GARIN2: variants seen among roughly 807,000 people sequenced by gnomAD.
GARIN2 encodes the protein Golgi-associated RAB2 interactor protein 2.
chr14:67,225,017 G>A, the GARIN2 span: 5 of 992,138 alleles, frequency 5.0e-6, no homozygotes, highest in Non-Finnish European at 7.3e-6. Flanking sequence ...TTCTCCTTCT[G>A]TGCCTTTTTT....
chr14:67,215,072 A>T, the GARIN2 span, among the ~76,000 whole-genome samples: 6 of 152,208 alleles, frequency 3.9e-5, no homozygotes, highest in Admixed American at 1.3e-4. Context: ...CTGGGCTGAG[A>T]CAATGGGGTT....
chr14:67,218,182 G>T, the GARIN2 span, among the ~76,000 whole-genome samples: 1 of 152,196 alleles, frequency 6.6e-6, no homozygotes, highest in Non-Finnish European at 1.5e-5. Flanking sequence ...CCAACCTGAG[G>T]TCTGGCTTGC....
chr14:67,219,097 G>A, the GARIN2 span, among the ~76,000 whole-genome samples: 3 of 152,040 alleles, frequency 2.0e-5, no homozygotes, highest in Non-Finnish European at 4.4e-5. Flanking sequence ...GCTCACAGGT[G>A]GTGATTGGGG....
the GARIN2 span, among the ~76,000 whole-genome samples, chr14:67,216,926 A>G: frequency 6.6e-6 from 1 of 152,152 alleles, no homozygotes; most frequent in African/African-American, 2.4e-5. Flanking sequence ...CTGTTAAGTC[A>G]TTTGGTCTGT....
chr14:67,216,356 T>A, the GARIN2 span, among the ~76,000 whole-genome samples: 1 of 152,088 alleles, frequency 6.6e-6, no homozygotes, highest in Non-Finnish European at 1.5e-5. Context: ...AATGAGTTAA[T>A]CACGTTTTGT....
chr14:67,190,539 T>G, the GARIN2 span, among the ~76,000 whole-genome samples: 1 of 152,184 alleles, frequency 6.6e-6, no homozygotes, highest in Non-Finnish European at 1.5e-5. Context: ...GAAATTTTGA[T>G]TTTTCAGACT....
the GARIN2 span, chr14:67,203,362 G>A: frequency 8.5e-6 from 11 of 1,299,112 alleles, no homozygotes; most frequent in Non-Finnish European, 1.0e-5. Context: ...ATCTGAAAAC[G>A]GAAACACTGA....
At chr14:67,223,982 A>G in the GARIN2 span, 6 of 984,826 alleles carry the variant, frequency 6.1e-6, no homozygotes, top group Non-Finnish European at 7.2e-6. Flanking sequence ...GGAAATCAGA[A>G]TAATAACTGC....
the GARIN2 span, among the ~76,000 whole-genome samples, chr14:67,210,934 A>C: frequency 2.0e-5 from 3 of 152,110 alleles, no homozygotes; most frequent in Non-Finnish European, 4.4e-5. Flanking sequence ...TGGGAGGTGG[A>C]GGTTGCAGTG....
the GARIN2 span, among the ~76,000 whole-genome samples, chr14:67,207,654 C>T: frequency 2.0e-5 from 3 of 152,036 alleles, no homozygotes; most frequent in Non-Finnish European, 4.4e-5. Context: ...TGCCTTGAGC[C>T]CTAAGTGATT....
chr14:67,196,416 G>A, the GARIN2 span, among the ~76,000 whole-genome samples: 5 of 151,626 alleles, frequency 3.3e-5, no homozygotes, highest in Middle Eastern at 3.2e-3. Context: ...AGGATTTCAC[G>A]ACGTTGGCCA....
At chr14:67,208,528 C>T in the GARIN2 span, 1 of 1,411,606 alleles carries the variant, frequency 7.1e-7, no homozygotes. Context: ...AGTCTCTTAA[C>T]TCAGGCATCT....
At chr14:67,211,062 T>G in the GARIN2 span, among the ~76,000 whole-genome samples, 1 of 152,132 alleles carries the variant, frequency 6.6e-6, no homozygotes, top group Non-Finnish European at 1.5e-5. Flanking sequence ...AATCCTGGCT[T>G]CTCTATCTCA....
chr14:67,210,910 G>A, the GARIN2 span, among the ~76,000 whole-genome samples: 1 of 152,090 alleles, frequency 6.6e-6, no homozygotes, highest in Non-Finnish European at 1.5e-5. Flanking sequence ...AGGCTAAGGT[G>A]GATCACCTGA....
At chr14:67,193,506 CAT>C in the GARIN2 span, among the ~76,000 whole-genome samples, 30,741 of 137,588 alleles carry the variant, frequency 0.22, 3,542 homozygotes, top group Non-Finnish European at 0.24. Flanking sequence ...TCTAGATATC[CAT>C]ATATATATAT....
the GARIN2 span, chr14:67,204,965 T>G: frequency 1.3e-6 from 2 of 1,596,400 alleles, no homozygotes; most frequent in African/African-American, 2.7e-5. Context: ...GTAAGAATTG[T>G]CACAGAAGTC....
At chr14:67,204,823 A>AC in the GARIN2 span, 4 of 1,613,766 alleles carry the variant, frequency 2.5e-6, no homozygotes, top group African/African-American at 5.3e-5. Context: ...AGCCATCCTG[A>AC]CCCCGTACAT....
chr14:67,202,035 C>G, the GARIN2 span, among the ~76,000 whole-genome samples: 1 of 152,222 alleles, frequency 6.6e-6, no homozygotes, highest in East Asian at 1.9e-4. Flanking sequence ...CTAGAGGTCT[C>G]TTCCTCAGGG....
At chr14:67,220,339 A>G in the GARIN2 span, among the ~76,000 whole-genome samples, 1 of 152,082 alleles carries the variant, frequency 6.6e-6, no homozygotes, top group Middle Eastern at 3.2e-3. Context: ...GTTACTCAGG[A>G]GGCTGAGGCA....
Sources: allele counts gnomAD v4.1 joint callset (sites outside exome capture counted in the v4.1 genomes callset), GRCh38; gene constraint gnomAD v4.1.1; transcripts MANE v1.5; gene names NCBI Gene and HGNC (gene_info 2026-07-23, HGNC 2026-07-21).